Variants in SRD5A2 observed in about 807,000 individuals in gnomAD.
SRD5A2 encodes steroid 5 alpha-reductase 2.
Under a neutral mutation model 27.4 loss-of-function variants are expected in SRD5A2, and 30 were observed. The observed-to-expected ratio is 1.10, with a 90% confidence interval of 0.82 to 1.49. The LOEUF is 1.49. Ranked by LOEUF, SRD5A2 falls within the 40% of genes most tolerant of loss-of-function variation. SRD5A2 has a pLI of 0.00. For synonymous variants in SRD5A2, 141 were observed against 133.6 expected (o/e 1.06, Z -0.38); for missense variants, 348 against 323.4 (o/e 1.08, Z -0.58).
the SRD5A2 span, among the ~76,000 whole-genome samples, chr2:31,648,020 C>T: frequency 6.6e-6 from 1 of 152,120 alleles, no homozygotes; most frequent in Admixed American, 6.5e-5. Flanking sequence ...GAGCCAAAGA[C>T]TGTGTGCATG....
the SRD5A2 span, among the ~76,000 whole-genome samples, chr2:31,650,822 C>A: frequency 6.6e-6 from 1 of 152,126 alleles, no homozygotes; most frequent in African/African-American, 2.4e-5. Flanking sequence ...GAGGGAAAAC[C>A]ACACACCATC....
the SRD5A2 span, among the ~76,000 whole-genome samples, chr2:31,596,969 T>G: frequency 1.3e-5 from 2 of 152,048 alleles, no homozygotes; most frequent in Non-Finnish European, 2.9e-5. Flanking sequence ...ACCACCATCA[T>G]TTTTTCACAG....
the SRD5A2 span, among the ~76,000 whole-genome samples, chr2:31,622,371 A>G: frequency 6.6e-6 from 1 of 152,032 alleles, no homozygotes; most frequent in Non-Finnish European, 1.5e-5. Context: ...TCAATCTATA[A>G]TTGATGGGCA....
chr2:31,660,249 A>C, the SRD5A2 span, among the ~76,000 whole-genome samples: 7 of 152,246 alleles, frequency 4.6e-5, no homozygotes, highest in East Asian at 1.4e-3. Context: ...GGAGCTTGAC[A>C]ATATATCCTG....
At chr2:31,526,747 A>G (rs1016596815) in intron 4 of SRD5A2, among the ~76,000 whole-genome samples, 18 of 152,120 alleles carry the variant, frequency 1.2e-4, no homozygotes, top group African/African-American at 4.3e-4. Context: ...CATGGGTTGA[A>G]TTTTGTCTCG....
At chr2:31,566,492 T>C (rs28383008) in intron 1 of SRD5A2, among the ~76,000 whole-genome samples, 33 of 152,158 alleles carry the variant, frequency 2.2e-4, no homozygotes, top group African/African-American at 7.5e-4. Context: ...AAATATAAAT[T>C]ACCATGATTA....
the SRD5A2 span, among the ~76,000 whole-genome samples, chr2:31,605,110 T>C: frequency 1.3e-5 from 2 of 151,884 alleles, 1 homozygote; most frequent in South Asian, 4.2e-4. Flanking sequence ...GGCAGAAGAA[T>C]AAAACTAGAT....
At chr2:31,653,078 AT>A in the SRD5A2 span, among the ~76,000 whole-genome samples, 3 of 152,030 alleles carry the variant, frequency 2.0e-5, no homozygotes, top group African/African-American at 7.3e-5. Flanking sequence ...TCCAATTTGC[AT>A]TTTTCCCACA....
chr2:31,614,789 T>A, the SRD5A2 span, among the ~76,000 whole-genome samples: 1 of 151,740 alleles, frequency 6.6e-6, no homozygotes, highest in Non-Finnish European at 1.5e-5. Flanking sequence ...GCACACCTAG[T>A]ACCATGTAAG....
chr2:31,530,766 C>T (rs542009941), intron 3 of SRD5A2, among the ~76,000 whole-genome samples: 38 of 152,254 alleles, frequency 2.5e-4, no homozygotes, highest in African/African-American at 8.2e-4. Context: ...CTCCCATCTG[C>T]GTATATTTGT....
the SRD5A2 span, among the ~76,000 whole-genome samples, chr2:31,637,237 A>G: frequency 4.6e-5 from 7 of 151,976 alleles, no homozygotes. Context: ...CATTTCCTCT[A>G]AGTTTTCCAA....
the SRD5A2 span, among the ~76,000 whole-genome samples, chr2:31,610,461 T>G: frequency 2.0e-5 from 3 of 152,224 alleles, no homozygotes; most frequent in Non-Finnish European, 4.4e-5. Flanking sequence ...TTAAAAACTC[T>G]CAAAAAATAG....
chr2:31,559,858 A>ACACACACACACACAAAGC (rs1553326929), intron 1 of SRD5A2, among the ~76,000 whole-genome samples: 16 of 151,822 alleles, frequency 1.1e-4, no homozygotes, highest in Non-Finnish European at 2.4e-4. Context: ...ACACACACAC[A>ACACACACACACACAAAGC]CACACACACA....
At chr2:31,631,462 G>GT in the SRD5A2 span, among the ~76,000 whole-genome samples, 15 of 146,872 alleles carry the variant, frequency 1.0e-4, no homozygotes, top group East Asian at 9.7e-4. Flanking sequence ...GGCATCCCCT[G>GT]TTTTTTTTCA....
At chr2:31,564,815 G>A (rs1666696806) in intron 1 of SRD5A2, among the ~76,000 whole-genome samples, 1 of 151,652 alleles carries the variant, frequency 6.6e-6, no homozygotes, top group Non-Finnish European at 1.5e-5. Flanking sequence ...TCGAAAACAA[G>A]AAATAAAAAC....
chr2:31,602,411 C>T, the SRD5A2 span, among the ~76,000 whole-genome samples: 16 of 151,932 alleles, frequency 1.1e-4, no homozygotes, highest in East Asian at 3.9e-4. Context: ...TAAGAGAGGA[C>T]GCAAACAAAT....
At chr2:31,625,295 T>C in the SRD5A2 span, among the ~76,000 whole-genome samples, 1 of 152,240 alleles carries the variant, frequency 6.6e-6, no homozygotes, top group East Asian at 1.9e-4. Context: ...AAAAATTTTG[T>C]CCCATTCTGT....
rs1327616112 is a variant in SRD5A2, at chr2:31,526,131, G to A, written c.*65C>T. On this transcript the variant is annotated 3_prime_UTR_variant, in exon 5 of 5. Transcript: ENST00000622030. ...GGACTATTATATCATGAAAATTACA[G>A]TTTCAGCAGCTTGACAGTTTTCATC... The A allele has an allele frequency of 1.4e-5, 14 of 1,016,796 alleles. No homozygotes were observed. Among genetic ancestry groups the A allele is most frequent in the Non-Finnish European group, 2.1e-5 (14 of 681,368 alleles). The allele number at this position is 1,016,796 out of a possible 1,614,324, so 63.0% of individuals were successfully genotyped here.
the SRD5A2 span, among the ~76,000 whole-genome samples, chr2:31,603,184 A>G: frequency 6.6e-6 from 1 of 152,242 alleles, no homozygotes; most frequent in Admixed American, 6.5e-5. Context: ...AAGGTCTAAT[A>G]TTCAGCATCT....
Sources: gnomAD v4.1 joint callset for allele counts (sites outside exome capture counted in the v4.1 genomes callset) on GRCh38, gnomAD v4.1.1 for gene constraint, MANE v1.5 for transcripts, NCBI Gene and HGNC (gene_info 2026-07-23, HGNC 2026-07-21) for gene names.